PRKN: variants seen among roughly 807,000 people sequenced by gnomAD.
The protein encoded by PRKN is E3 ubiquitin-protein ligase parkin.
In PRKN, 56 loss-of-function variants were observed where a neutral mutation model predicts 59.5. The ratio of observed to expected loss-of-function variants is 0.94; its 90% CI spans 0.76 to 1.18. The LOEUF (loss-of-function observed/expected upper bound fraction) is 1.18. Ranked by LOEUF, PRKN falls within the 50% of genes most tolerant of loss-of-function variation. The probability of loss-of-function intolerance (pLI) is 0.00; values close to 1 mark genes in which losing one functional copy is unlikely to be tolerated. For missense variants in PRKN, 657 were observed against 596.4 expected (o/e 1.10, Z -1.06); for synonymous variants, 250 against 222.1 (o/e 1.13, Z -1.12).
At chr6:161,992,329 G>T (rs1781681209) in intron 5 of PRKN, among the ~76,000 whole-genome samples, 1 of 152,100 alleles carries the variant, frequency 6.6e-6, no homozygotes, top group South Asian at 2.1e-4. Context: ...AAAAGAGTGA[G>T]ATTCTGTCTT....
At chr6:161,928,614 T>C (rs1779054635) in intron 6 of PRKN, among the ~76,000 whole-genome samples, 1 of 152,176 alleles carries the variant, frequency 6.6e-6, no homozygotes, top group South Asian at 2.1e-4. Context: ...ATATATAACA[T>C]ATAACAAGAT....
At chr6:162,216,595 C>T (rs908627607) in intron 3 of PRKN, among the ~76,000 whole-genome samples, 15 of 147,470 alleles carry the variant, frequency 1.0e-4, no homozygotes, top group Middle Eastern at 3.6e-3. Context: ...CAGGAAATGA[C>T]CTATGGTTTG....
intron 6 of PRKN, among the ~76,000 whole-genome samples, chr6:161,897,464 T>G (rs774589459): frequency 7.2e-5 from 11 of 152,224 alleles, no homozygotes; most frequent in Non-Finnish European, 1.5e-4. Flanking sequence ...TAGGCCCATT[T>G]TCCTTCTGTA....
At chr6:161,749,489 CT>C (rs1788585700) in intron 7 of PRKN, among the ~76,000 whole-genome samples, 1 of 152,090 alleles carries the variant, frequency 6.6e-6, no homozygotes, top group African/African-American at 2.4e-5. Flanking sequence ...GAAGTGATTC[CT>C]GGTACAGATT....
chr6:161,638,738 A>ATGTTTTTTTTTT (rs1483745496), intron 7 of PRKN, among the ~76,000 whole-genome samples: 1 of 100,224 alleles, frequency 1.0e-5, no homozygotes, highest in African/African-American at 4.5e-5. Context: ...ACGAGATCTG[A>ATGTTTTTTTTTT]TTTTTTTTTT....
chr6:162,471,072 T>TTTTA (rs570509323), intron 1 of PRKN, among the ~76,000 whole-genome samples: 21,610 of 87,890 alleles, frequency 0.25, 1,757 homozygotes, highest in Non-Finnish European at 0.29. Context: ...ACACTCTATT[T>TTTTA]TTTATTTATT....
intron 7 of PRKN, among the ~76,000 whole-genome samples, chr6:161,636,973 A>G (rs1019374871): frequency 5.9e-5 from 9 of 152,162 alleles, no homozygotes; most frequent in African/African-American, 2.2e-4. Context: ...CCTGTTACCA[A>G]AAGTGCCACG....
chr6:161,867,740 C>CATTCATTTATTT (rs377654828), intron 6 of PRKN, among the ~76,000 whole-genome samples: 3,714 of 137,552 alleles, frequency 0.027, 56 homozygotes, highest in Non-Finnish European at 0.034. Flanking sequence ...AAAAATCTTT[C>CATTCATTTATTT]ATTTATTTAT....
chr6:161,543,610 T>C (rs1440940448), intron 9 of PRKN, among the ~76,000 whole-genome samples: 2 of 152,228 alleles, frequency 1.3e-5, no homozygotes, highest in African/African-American at 2.4e-5. Flanking sequence ...ACTAATATGA[T>C]TTTTGAAATT....
intron 3 of PRKN, among the ~76,000 whole-genome samples, chr6:162,217,009 T>C (rs1410158963): frequency 6.6e-6 from 1 of 152,184 alleles, no homozygotes; most frequent in Non-Finnish European, 1.5e-5. Context: ...TAATACTTAA[T>C]TGATATTGCA....
At chr6:161,478,437 T>G (rs1791229424) in intron 9 of PRKN, among the ~76,000 whole-genome samples, 1 of 152,252 alleles carries the variant, frequency 6.6e-6, no homozygotes, top group East Asian at 1.9e-4. Context: ...AAATAATTAC[T>G]GTTTACCATC....
chr6:161,612,718 C>CAAAAAAAAAAAAAA (rs57084261), intron 7 of PRKN, among the ~76,000 whole-genome samples: 1 of 59,630 alleles, frequency 1.7e-5, no homozygotes, highest in Admixed American at 2.2e-4. Flanking sequence ...GACTCCATCT[C>CAAAAAAAAAAAAAA]AAAAAAAAAA....
intron 2 of PRKN, among the ~76,000 whole-genome samples, chr6:162,377,138 T>G (rs942794884): frequency 2.0e-5 from 3 of 152,162 alleles, no homozygotes; most frequent in Admixed American, 1.3e-4. Flanking sequence ...CTCATTTCCC[T>G]GTGCATCCAT....
intron 5 of PRKN, among the ~76,000 whole-genome samples, chr6:161,999,893 T>C (rs1478120616): frequency 6.6e-6 from 1 of 152,122 alleles, no homozygotes; most frequent in Non-Finnish European, 1.5e-5. Flanking sequence ...ACTAGCAACT[T>C]GAAAAATACT....
chr6:162,480,103 A>G (rs1472620698), intron 1 of PRKN, among the ~76,000 whole-genome samples: 2 of 152,098 alleles, frequency 1.3e-5, no homozygotes, highest in African/African-American at 2.4e-5. Flanking sequence ...TAAAATAACT[A>G]TAAATACACA....
rs1779006527 is a variant in PRKN, at chr6:161,526,105, C to G, written c.1083+22749G>C. 6.6e-6 allele frequency among the ~76,000 whole-genome samples: 1 copy of G among 152,096 alleles called. No individual in the cohort carries two copies. The highest frequency in any genetic ancestry group is 1.5e-5 in the Non-Finnish European group (1 of 68,032). ...TCACATATAATAGTGGGCTGATAAA[C>G]CAGCTCTTTTCCAACCTTCCTAAAA... On this transcript the variant is annotated intron_variant, in intron 9 of 11. Transcript: ENST00000366898. The surrounding 1 kb of genome is among the most constrained non-coding windows in gnomAD (Gnocchi z 4.1).
intron 4 of PRKN, among the ~76,000 whole-genome samples, chr6:162,176,869 A>C (rs1051818133): frequency 6.6e-6 from 1 of 152,062 alleles, no homozygotes; most frequent in Non-Finnish European, 1.5e-5. Context: ...AGATGAAACA[A>C]AATTTAAGTT....
intron 7 of PRKN, among the ~76,000 whole-genome samples, chr6:161,695,644 G>A (rs958566950): frequency 1.3e-5 from 2 of 152,210 alleles, no homozygotes; most frequent in African/African-American, 4.8e-5. Context: ...AGAAGGCAAG[G>A]ACATCTTTGT....
intron 7 of PRKN, among the ~76,000 whole-genome samples, chr6:161,695,605 C>T (rs1484574859): frequency 6.6e-6 from 1 of 152,138 alleles, no homozygotes; most frequent in East Asian, 1.9e-4. Context: ...AGAGTCTGAA[C>T]CATTTTGAAA....
Sources: gnomAD v4.1 joint callset for allele counts (sites outside exome capture counted in the v4.1 genomes callset) on GRCh38, gnomAD v4.1.1 for gene constraint, Gnocchi (gnomAD v3.1) non-coding constraint, MANE v1.5 for transcripts, NCBI Gene and HGNC (gene_info 2026-07-23, HGNC 2026-07-21) for gene names.